TSPAN5: variants seen among roughly 807,000 people sequenced by gnomAD.
TSPAN5 encodes tetraspanin 5, also known as tetraspanin-5.
A neutral mutation model predicts 37.1 loss-of-function variants in TSPAN5; 10 were observed. That is an observed-to-expected ratio of 0.27 (90% CI 0.17 to 0.46). TSPAN5 has a LOEUF of 0.46. Ranked by LOEUF, TSPAN5 falls within the 20% of genes least tolerant of loss-of-function variation. The pLI, the probability that TSPAN5 is intolerant of heterozygous loss-of-function variation, is 1.00. For synonymous variants in TSPAN5, 110 were observed against 118.9 expected (o/e 0.93, Z 0.48); for missense variants, 195 against 326.6 (o/e 0.60, Z 3.11).
At chr4:98,552,653 T>C (rs1040723826) in intron 1 of TSPAN5, among the ~76,000 whole-genome samples, 2 of 152,174 alleles carry the variant, frequency 1.3e-5, no homozygotes, top group Non-Finnish European at 2.9e-5. Flanking sequence ...GTAAGACTCA[T>C]CCTGGGATTT....
chr4:98,582,235 C>A (rs186440600), intron 1 of TSPAN5, among the ~76,000 whole-genome samples: 1 of 152,234 alleles, frequency 6.6e-6, no homozygotes, highest in Non-Finnish European at 1.5e-5. Flanking sequence ...AAGCCCCCGA[C>A]GCAACCGCAT....
intron 2 of TSPAN5, among the ~76,000 whole-genome samples, chr4:98,489,030 C>T (rs530200797): frequency 2.0e-5 from 3 of 152,172 alleles, no homozygotes; most frequent in South Asian, 2.1e-4. Flanking sequence ...TCTCAGCCAC[C>T]GGAAGAGAGA....
intron 1 of TSPAN5, among the ~76,000 whole-genome samples, chr4:98,532,616 T>TA (rs201728528): frequency 0.55 from 83,144 of 151,178 alleles, 23,333 homozygotes; most frequent in African/African-American, 0.66. Context: ...TTTCTAAATA[T>TA]CTGTCATCTG....
chr4:98,577,395 C>T (rs1174063512), intron 1 of TSPAN5, among the ~76,000 whole-genome samples: 2 of 152,076 alleles, frequency 1.3e-5, no homozygotes, highest in Admixed American at 6.5e-5. Flanking sequence ...CCCCCTGAAA[C>T]TCCAAGTCCC....
chr4:98,597,860 T>G (rs1755780572), intron 1 of TSPAN5, among the ~76,000 whole-genome samples: 1 of 24,840 alleles, frequency 4.0e-5, no homozygotes, highest in East Asian at 9.1e-4. Context: ...CAGGGACACT[T>G]AAGTCTGCAG....
chr4:98,598,194 G>A (rs570755939), intron 1 of TSPAN5, among the ~76,000 whole-genome samples: 70 of 140,104 alleles, frequency 5.0e-4, no homozygotes, highest in African/African-American at 1.9e-3. Context: ...GGAGTGACCC[G>A]ATTTTCCAGG....
At chr4:98,571,758 A>G (rs1280373796) in intron 1 of TSPAN5, among the ~76,000 whole-genome samples, 2 of 152,050 alleles carry the variant, frequency 1.3e-5, no homozygotes, top group African/African-American at 2.4e-5. Flanking sequence ...ACATCATACG[A>G]TTTTGTAAAG....
chr4:98,535,908 T>C (rs182799875), intron 1 of TSPAN5, among the ~76,000 whole-genome samples: 1 of 152,338 alleles, frequency 6.6e-6, no homozygotes, highest in East Asian at 1.9e-4. Flanking sequence ...TTCTTTAAAC[T>C]GGTTATTCTA....
At chr4:98,611,643 C>T (rs1482107968) in intron 1 of TSPAN5, among the ~76,000 whole-genome samples, 7 of 152,220 alleles carry the variant, frequency 4.6e-5, no homozygotes, top group African/African-American at 1.4e-4. Context: ...CAAGCTGCCT[C>T]GTCTGTGAAG....
intron 1 of TSPAN5, among the ~76,000 whole-genome samples, chr4:98,633,851 G>A (rs779293358): frequency 1.1e-4 from 17 of 152,086 alleles, no homozygotes; most frequent in African/African-American, 2.4e-4. Context: ...AGGCCGAGAC[G>A]GGAGGATCAC....
chr4:98,624,440 C>T (rs563841499), intron 1 of TSPAN5, among the ~76,000 whole-genome samples: 47 of 152,120 alleles, frequency 3.1e-4, no homozygotes, highest in African/African-American at 1.0e-3. Flanking sequence ...AAAAAAAATA[C>T]GTATTAACAT....
chr4:98,620,973 A>G (rs1234929717), intron 1 of TSPAN5, among the ~76,000 whole-genome samples: 2 of 152,198 alleles, frequency 1.3e-5, no homozygotes, highest in Non-Finnish European at 2.9e-5. Context: ...GCATCTCAAA[A>G]CGTGACTTTA....
At chr4:98,566,693 T>C (rs28635613) in intron 1 of TSPAN5, among the ~76,000 whole-genome samples, 6,772 of 152,184 alleles carry the variant, frequency 0.044, 182 homozygotes, top group Middle Eastern at 0.082. Context: ...GCCTGGATGC[T>C]GTGGAGGAGG....
intron 1 of TSPAN5, among the ~76,000 whole-genome samples, chr4:98,626,038 T>C (rs1337651046): frequency 6.6e-6 from 1 of 152,236 alleles, no homozygotes; most frequent in Non-Finnish European, 1.5e-5. Context: ...CTTGTTACTA[T>C]ATTTATCAAC....
At chr4:98,573,512 A>C (rs923250633) in intron 1 of TSPAN5, among the ~76,000 whole-genome samples, 5 of 152,264 alleles carry the variant, frequency 3.3e-5, no homozygotes, top group African/African-American at 1.2e-4. Flanking sequence ...TTAGGATTAC[A>C]GGCTTGAGCC....
At chr4:98,569,027 A>G (rs2110179134) in intron 1 of TSPAN5, among the ~76,000 whole-genome samples, 1 of 152,320 alleles carries the variant, frequency 6.6e-6, no homozygotes, top group Middle Eastern at 3.4e-3. Flanking sequence ...AGCTGAAGCC[A>G]ACTCACTTGG....
chr4:98,503,822 A>T (rs914269764), intron 2 of TSPAN5, among the ~76,000 whole-genome samples: 1 of 152,206 alleles, frequency 6.6e-6, no homozygotes, highest in South Asian at 2.1e-4. Flanking sequence ...ATGTTATCTG[A>T]ATGAATGAGT....
At chr4:98,511,186 T>C (rs920432425) in intron 1 of TSPAN5, among the ~76,000 whole-genome samples, 4 of 152,234 alleles carry the variant, frequency 2.6e-5, no homozygotes, top group Non-Finnish European at 4.4e-5. Context: ...ACAGTACAAA[T>C]GTTTGTCAAC....
intron 1 of TSPAN5, chr4:98,574,933 T>C (rs1382995743): frequency 6.5e-6 from 1 of 153,442 alleles, no homozygotes; most frequent in Non-Finnish European, 1.5e-5. Flanking sequence ...ACCACGAAGA[T>C]TAAGAGCTAG....
Sources: allele counts gnomAD v4.1 joint callset (sites outside exome capture counted in the v4.1 genomes callset), GRCh38; gene constraint gnomAD v4.1.1; transcripts MANE v1.5; gene names NCBI Gene and HGNC (gene_info 2026-07-23, HGNC 2026-07-21).